Variants in JAZF1 observed in about 807,000 individuals in gnomAD.
JAZF1 encodes JAZF zinc finger 1.
In JAZF1, 8 loss-of-function variants were observed where a neutral mutation model predicts 26.4. The ratio of observed to expected loss-of-function variants is 0.30; its 90% CI spans 0.18 to 0.55. The LOEUF is 0.55. Among genes scored for constraint, JAZF1 ranks in the 20% least tolerant of loss-of-function variants. The probability of loss-of-function intolerance (pLI) is 0.94; values close to 1 mark genes in which losing one functional copy is unlikely to be tolerated. For missense variants in JAZF1, 199 were observed against 322.0 expected, an observed-to-expected ratio of 0.62 and a Z score of 2.92; for synonymous variants, 126 against 122.3, an observed-to-expected ratio of 1.03 and a Z score of -0.20.
chr7:27,972,493 C>T (rs1011265187), intron 2 of JAZF1, among the ~76,000 whole-genome samples: 6 of 152,128 alleles, frequency 3.9e-5, no homozygotes, highest in African/African-American at 1.4e-4. Flanking sequence ...GCCATGTTGG[C>T]CATGATAAGA....
At chr7:28,043,613 T>C (rs575400341) in intron 1 of JAZF1, among the ~76,000 whole-genome samples, 6 of 152,270 alleles carry the variant, frequency 3.9e-5, no homozygotes, top group African/African-American at 1.2e-4. Context: ...AGAATTACCA[T>C]ATGACGGGCA....
At chr7:27,878,977 C>T (rs745823132) in intron 3 of JAZF1, among the ~76,000 whole-genome samples, 6 of 152,040 alleles carry the variant, frequency 3.9e-5, no homozygotes, top group South Asian at 2.1e-4. Context: ...ACATTTGTAC[C>T]GAACACAAAA....
chr7:28,168,118 C>T (rs1338234371), intron 1 of JAZF1, among the ~76,000 whole-genome samples: 2 of 152,150 alleles, frequency 1.3e-5, no homozygotes, highest in Non-Finnish European at 2.9e-5. Context: ...CGCAGTGGCT[C>T]ATGCCTGTAA....
At position 27,840,574 on chromosome 7, in the gene JAZF1, C is replaced by T; in HGVS notation, c.555+124G>A. 1.0e-6 allele frequency: 1 copy of T among 1,003,132 alleles called. No individual in the cohort carries two copies. Among genetic ancestry groups the T allele is most frequent in the Non-Finnish European group, 1.5e-6 (1 of 663,156 alleles). The allele number at this position is 1,003,132 out of a possible 1,614,324, so 62.1% of individuals were successfully genotyped here. On this transcript the variant is annotated intron_variant, in intron 4 of 4. Coordinates refer to ENST00000283928, the MANE Select transcript of JAZF1 (RefSeq NM_175061.4). The surrounding 1 kb of genome is among the most constrained non-coding windows in gnomAD (Gnocchi z 5.1). ...GGGGTGAGGCCCACGCACTCTAATG[C>T]AGGAGAGGGGAGTGTCTCCCCCCAG...
At chr7:27,967,645 G>A (rs1785301235) in intron 2 of JAZF1, among the ~76,000 whole-genome samples, 2 of 152,012 alleles carry the variant, frequency 1.3e-5, no homozygotes, top group Admixed American at 6.6e-5. Flanking sequence ...ACACTTGAAG[G>A]GAAATACAAA....
intron 1 of JAZF1, among the ~76,000 whole-genome samples, chr7:28,096,580 G>A (rs1284477645): frequency 1.3e-5 from 2 of 152,160 alleles, no homozygotes; most frequent in Admixed American, 6.5e-5. Flanking sequence ...GTTGATAGAC[G>A]ATTCAAGGAA....
chr7:28,144,511 TGCCAATCA>T (rs1407206321), intron 1 of JAZF1, among the ~76,000 whole-genome samples: 2 of 152,222 alleles, frequency 1.3e-5, no homozygotes, highest in Non-Finnish European at 2.9e-5. Context: ...AGGCCCTGCC[TGCCAATCA>T]GCAGTGACAC....
At chr7:27,959,954 T>C (rs369206915) in intron 2 of JAZF1, among the ~76,000 whole-genome samples, 1 of 151,882 alleles carries the variant, frequency 6.6e-6, no homozygotes, top group African/African-American at 2.4e-5. Flanking sequence ...AAGTGCATGA[T>C]ACTCAGATCA....
intron 1 of JAZF1, among the ~76,000 whole-genome samples, chr7:28,083,200 C>T (rs903406223): frequency 1.3e-5 from 2 of 152,292 alleles, no homozygotes; most frequent in African/African-American, 4.8e-5. Context: ...GGGTTCACAT[C>T]TCTCAGTTTA....
intron 3 of JAZF1, among the ~76,000 whole-genome samples, chr7:27,852,130 C>CA (rs1783162532): frequency 8.0e-6 from 1 of 125,256 alleles, no homozygotes; most frequent in Non-Finnish European, 1.8e-5. Context: ...ATAAACAGGA[C>CA]TTTTTTTTTT....
At chr7:28,004,794 A>C (rs1332266972) in intron 1 of JAZF1, among the ~76,000 whole-genome samples, 1 of 152,144 alleles carries the variant, frequency 6.6e-6, no homozygotes, top group African/African-American at 2.4e-5. Context: ...CTGGGATTAC[A>C]GGTGTGCACC....
intron 1 of JAZF1, among the ~76,000 whole-genome samples, chr7:28,144,038 G>A (rs1367311807): frequency 6.6e-6 from 1 of 152,192 alleles, no homozygotes. Flanking sequence ...TGCTGGGTGG[G>A]TGTGTTAAGA....
At chr7:28,001,927 T>C (rs1782599078) in intron 1 of JAZF1, among the ~76,000 whole-genome samples, 1 of 152,068 alleles carries the variant, frequency 6.6e-6, no homozygotes, top group African/African-American at 2.4e-5. Context: ...AACAAAGAAG[T>C]AACTAGAAGG....
chr7:28,040,090 C>T (rs535153679), intron 1 of JAZF1, among the ~76,000 whole-genome samples: 74 of 152,108 alleles, frequency 4.9e-4, no homozygotes, highest in Admixed American at 1.1e-3. Flanking sequence ...ATAATGCAAA[C>T]CTAAAGTATT....
intron 1 of JAZF1, among the ~76,000 whole-genome samples, chr7:28,093,923 G>T (rs977248416): frequency 1.1e-4 from 16 of 152,212 alleles, no homozygotes; most frequent in Admixed American, 1.0e-3. Flanking sequence ...AGGGAGGGAA[G>T]AATGCATTCA....
chr7:27,945,554 T>C, intron 2 of JAZF1, among the ~76,000 whole-genome samples: 1 of 152,226 alleles, frequency 6.6e-6, no homozygotes, highest in Non-Finnish European at 1.5e-5. Flanking sequence ...GTCCGTTTTT[T>C]ACGGTTGATT....
At chr7:28,000,230 C>CT in intron 1 of JAZF1, among the ~76,000 whole-genome samples, 1 of 152,092 alleles carries the variant, frequency 6.6e-6, no homozygotes, top group Middle Eastern at 3.4e-3. Flanking sequence ...TTGCAGCACC[C>CT]CCCCGACCCC....
At chr7:28,161,141 G>T (rs1055190702) in intron 1 of JAZF1, among the ~76,000 whole-genome samples, 1 of 151,334 alleles carries the variant, frequency 6.6e-6, no homozygotes, top group African/African-American at 2.4e-5. Flanking sequence ...TTCATGTAAG[G>T]CTGTCGAAAC....
intron 1 of JAZF1, among the ~76,000 whole-genome samples, chr7:28,060,868 T>A (rs577650195): frequency 1.3e-4 from 20 of 152,336 alleles, no homozygotes; most frequent in African/African-American, 4.6e-4. Context: ...TCTCTGGGTT[T>A]CCAAATTTCA....
Sources: gnomAD v4.1 joint callset for allele counts (sites outside exome capture counted in the v4.1 genomes callset) on GRCh38, gnomAD v4.1.1 for gene constraint, Gnocchi (gnomAD v3.1) non-coding constraint, MANE v1.5 for transcripts, NCBI Gene and HGNC (gene_info 2026-07-23, HGNC 2026-07-21) for gene names.